Variants in SEL1L observed in about 807,000 individuals in gnomAD.
SEL1L encodes SEL1L adaptor subunit of SYVN1 ubiquitin ligase.
In SEL1L, 52 loss-of-function variants were observed where a neutral mutation model predicts 109.8. The ratio of observed to expected loss-of-function variants is 0.47; its 90% CI spans 0.38 to 0.60. SEL1L has a LOEUF of 0.60. Ranked by LOEUF, SEL1L falls within the 20% of genes least tolerant of loss-of-function variation. The pLI is 0.00. For missense variants in SEL1L, 749 were observed against 962.2 expected, an observed-to-expected ratio of 0.78 and a Z score of 2.93; for synonymous variants, 373 against 339.6, an observed-to-expected ratio of 1.10 and a Z score of -1.08.
intron 5 of SEL1L, among the ~76,000 whole-genome samples, 198 bp downstream of exon 5, chr14:81,504,003 A>C (rs1448682713): frequency 3.3e-5 from 5 of 152,224 alleles, no homozygotes; most frequent in Admixed American, 3.3e-4. Flanking sequence ...TACTGTAATC[A>C]GTATAACAAT....
chr14:81,517,361 G>C (rs1438244246), intron 3 of SEL1L, among the ~76,000 whole-genome samples: 1 of 152,146 alleles, frequency 6.6e-6, no homozygotes, highest in Non-Finnish European at 1.5e-5. Flanking sequence ...AAATTCCCAA[G>C]GATGGGCCAA....
rs916404199 is a variant in SEL1L, at chr14:81,475,400, C to T, written c.*1572G>A. 5.2e-5 allele frequency: 8 copies of T among 152,552 alleles called. No homozygotes were observed. The highest frequency in any genetic ancestry group is 1.9e-4 in the African/African-American group (8 of 41,436). The allele number at this position is 152,552 out of a possible 1,614,324, so 9.4% of individuals were successfully genotyped here. A position where few individuals can be genotyped will look rare whatever the true frequency, so the allele number is the denominator to read the frequency against. The stretch of plus-strand genomic sequence containing the variant: ...AGGTATACAACTTCATATATAAAAG[C>T]CTTCATGTTCATTATAGACTAGTTA... On this transcript the variant is annotated 3_prime_UTR_variant, in exon 21 of 21. Transcript: ENST00000336735.
chr14:81,494,622 C>T (rs1566974146), intron 11 of SEL1L, among the ~76,000 whole-genome samples: 1 of 152,114 alleles, frequency 6.6e-6, no homozygotes, highest in South Asian at 2.1e-4. Context: ...ATGCACATAC[C>T]GTTCTTTTTG....
intron 4 of SEL1L, among the ~76,000 whole-genome samples, chr14:81,504,791 G>A (rs765545745): frequency 2.1e-4 from 32 of 152,020 alleles, no homozygotes; most frequent in Non-Finnish European, 4.4e-4. Context: ...TGCTGTTCTT[G>A]TGATAGTAAG....
At chr14:81,505,514 A>AT (rs1280914112) in intron 4 of SEL1L, among the ~76,000 whole-genome samples, 3 of 152,006 alleles carry the variant, frequency 2.0e-5, no homozygotes, top group African/African-American at 4.8e-5. Flanking sequence ...AACAGCCATT[A>AT]TTTTTTTAAA....
chr14:81,529,287 CTATAA>C (rs1885237588), intron 1 of SEL1L, among the ~76,000 whole-genome samples: 2 of 152,146 alleles, frequency 1.3e-5, no homozygotes, highest in Admixed American at 6.5e-5. Context: ...AAACCCATCT[CTATAA>C]TATATCAAAG....
Position 81,490,466 on chromosome 14 carries a change from C to T in SEL1L, c.1255-1G>A. ...CAATGTCACTTCCTTCCGAATACAT[C>T]TGGAAAACAGATCCCAATTTCAGTA... On this transcript the variant is annotated splice_acceptor_variant, in intron 12 of 20. Transcript: ENST00000336735. LOFTEE classifies it high-confidence loss of function. 6.2e-7 allele frequency: 1 copy of T among 1,611,466 alleles called. No homozygotes were observed. Among genetic ancestry groups the T allele is most frequent in the Non-Finnish European group, 8.5e-7 (1 of 1,177,654 alleles).
In SEL1L at chr14:81,497,888, G is replaced by A. The variant is rs1398948699; in HGVS notation, c.1128+4C>T. On this transcript the variant is annotated splice_donor_region_variant and intron_variant, in intron 10 of 20. Transcript: ENST00000336735. ...GATATTTGGTGAGATGTTCAAACACGTACCTGTGCTTGTACATCACCTTTT... is the reference window on the plus strand; with the variant it reads ...GATATTTGGTGAGATGTTCAAACACATACCTGTGCTTGTACATCACCTTTT... 8.1e-6 allele frequency: 13 copies of A among 1,611,842 alleles called. No individual in the cohort carries two copies. The East Asian group carries it at 1.1e-4, about 14-fold the overall frequency.
intron 3 of SEL1L, among the ~76,000 whole-genome samples, chr14:81,512,910 C>T (rs574569803): frequency 6.6e-6 from 1 of 152,292 alleles, no homozygotes; most frequent in African/African-American, 2.4e-5. Flanking sequence ...TTTTGAAAGA[C>T]CGCTTATCAT....
chr14:81,525,279 T>C (rs1885067877), intron 3 of SEL1L, among the ~76,000 whole-genome samples: 2 of 152,124 alleles, frequency 1.3e-5, no homozygotes, highest in African/African-American at 4.8e-5. Context: ...CTTGATGTAG[T>C]GTCTCATGCC....
At chr14:81,532,951 A>G (rs180886742) in intron 1 of SEL1L, among the ~76,000 whole-genome samples, 101 of 152,322 alleles carry the variant, frequency 6.6e-4, no homozygotes, top group South Asian at 5.6e-3. Context: ...AAAAAGGGGG[A>G]AAAAAGCAGA....
intron 8 of SEL1L, 136 bp downstream of exon 8, chr14:81,499,323 T>C (rs547297883): frequency 7.1e-7 from 1 of 1,417,864 alleles, no homozygotes; most frequent in African/African-American, 1.5e-5. Flanking sequence ...TAACAAGAAT[T>C]TGAAGGAAGT....
chr14:81,487,307 A>G, intron 16 of SEL1L, 83 bp downstream of exon 16: 2 of 1,352,740 alleles, frequency 1.5e-6, no homozygotes, highest in Non-Finnish European at 2.0e-6. Flanking sequence ...AAGAAAACAT[A>G]CAAAAAAACC....
intron 3 of SEL1L, among the ~76,000 whole-genome samples, chr14:81,518,123 C>T (rs1189094105): frequency 2.6e-5 from 4 of 151,532 alleles, no homozygotes; most frequent in African/African-American, 4.8e-5. Context: ...GAACTCCTGG[C>T]CTCAAGTGAT....
chr14:81,510,512 C>CTATATATA (rs1342094383), intron 3 of SEL1L, among the ~76,000 whole-genome samples: 209 of 106,700 alleles, frequency 2.0e-3, no homozygotes, highest in Middle Eastern at 0.014. Context: ...CTCTCTCTCT[C>CTATATATA]TCTATATATA....
chr14:81,489,033 TG>T, intron 14 of SEL1L: 1 of 560,600 alleles, frequency 1.8e-6, no homozygotes, highest in Non-Finnish European at 3.1e-6. Context: ...TCCATACCTC[TG>T]GGAGAAAGTG....
intron 8 of SEL1L, chr14:81,499,095 C>T: frequency 1.1e-6 from 1 of 934,708 alleles, no homozygotes; most frequent in East Asian, 9.9e-5. Flanking sequence ...TCTATAGCCA[C>T]CATTTACAAA....
chr14:81,492,470 T>C lies in SEL1L; in HGVS notation c.1254+10A>G. 1 of 1,601,552 alleles carries C rather than the reference T, an allele frequency of 6.2e-7. No individual in the cohort carries two copies. Among genetic ancestry groups the C allele is most frequent in the South Asian group, 1.1e-5 (1 of 90,124 alleles). On this transcript the variant is annotated intron_variant, in intron 12 of 20. Transcript: ENST00000336735. ...GCTATTACATAAAACATTCACAGGA[T>C]GTACAGTACCTTTCCCAAAAAGGCC...
rs199761090 is a variant in SEL1L, at chr14:81,479,600, C to T, written c.2175+12G>A. 7.4e-5 allele frequency: 119 copies of T among 1,599,598 alleles called. No individual in the cohort carries two copies. Among genetic ancestry groups the T allele is most frequent in the African/African-American group, 2.7e-4 (20 of 74,062 alleles). On this transcript the variant is annotated intron_variant, in intron 20 of 20. Coordinates refer to ENST00000336735, the MANE Select transcript of SEL1L (RefSeq NM_005065.6). ...ATTTATATTTTAATGAAAAGAGGTA[C>T]GGACCACTTACGTTTGTTTCCCGTA...
Sources: gnomAD v4.1 joint callset for allele counts (sites outside exome capture counted in the v4.1 genomes callset) on GRCh38, gnomAD v4.1.1 for gene constraint, MANE v1.5 for transcripts, NCBI Gene and HGNC (gene_info 2026-07-23, HGNC 2026-07-21) for gene names.